Variants in PLEC observed in about 807,000 individuals in gnomAD.
PLEC encodes plectin.
Under a neutral mutation model 392.8 loss-of-function variants are expected in PLEC, and 216 were observed. The observed-to-expected ratio is 0.55, with a 90% CI of 0.49 to 0.62. The LOEUF is 0.62. Ranked by LOEUF, PLEC falls within the 20% of genes least tolerant of loss-of-function variation. The pLI is 0.00. For missense variants in PLEC, 6,863 were observed against 6,563.4 expected (o/e 1.05, Z -1.58); for synonymous variants, 3,621 against 2,980.6 (o/e 1.21, Z -7.00).
At chr8:143,937,886 C>G (rs1554724787) in intron 3 of PLEC, 1 of 635,028 alleles carries the variant, frequency 1.6e-6, no homozygotes, top group African/African-American at 1.8e-5. Flanking sequence ...GTTACTGTGT[C>G]CCGACGCGGA....
chr8:143,950,816 C>T, exon 1 of PLEC: 2 of 1,501,624 alleles, frequency 1.3e-6, no homozygotes, highest in South Asian at 1.3e-5. Flanking sequence ...TGACAGCGGG[C>T]AGCGGCAGGG....
At chr8:143,942,602 C>A, upstream of PLEC, 1 of 1,425,134 alleles carries the variant, frequency 7.0e-7, no homozygotes, top group South Asian at 1.4e-5. Flanking sequence ...GCCCACGCTG[C>A]GAGGCTGCCG....
At chr8:143,953,175 G>C (rs868974428), upstream of PLEC, among the ~76,000 whole-genome samples, 22 of 151,646 alleles carry the variant, frequency 1.5e-4, no homozygotes, top group Middle Eastern at 0.01. Context: ...GTGTGCGACT[G>C]GGCGGCCCCT....
chr8:143,956,445 G>A (rs1455538162), upstream of PLEC, among the ~76,000 whole-genome samples: 1 of 152,212 alleles, frequency 6.6e-6, no homozygotes, highest in Non-Finnish European at 1.5e-5. Context: ...GCCTGGGCCT[G>A]TGGTCCCAGC....
chr8:143,947,857 G>C (rs1831683235), intron 1 of PLEC, among the ~76,000 whole-genome samples: 2 of 152,192 alleles, frequency 1.3e-5, no homozygotes. Context: ...CACAGGCCCA[G>C]GGCCTTCCCA....
rs1417022697 is a variant in PLEC, at chr8:143,969,741, G to A, written c.70+3662C>T. 6.6e-6 allele frequency among the ~76,000 whole-genome samples: 1 copy of A among 152,108 alleles called. No individual in the cohort carries two copies. The highest frequency in any genetic ancestry group is 1.5e-5 in the Non-Finnish European group (1 of 68,022). ...GAGTGGGGAGTGGGGCCAGCCGGGG[G>A]CCTGGGCAGCTGGGGATAGAGACTT... is the stretch of plus-strand genomic sequence containing the variant. On this transcript the variant is annotated intron_variant, in intron 1 of 31. Transcript: ENST00000356346. This position sits in a 1 kb window ranked among gnomAD's most constrained non-coding sequence, Gnocchi z 5.1.
chr8:143,923,697 G>C lies in PLEC; in HGVS notation c.6232C>G (p.Gln2078Glu). ...GCCGCCTCCGCCTCGCCGCGCAGCT[G>C]GTCCAGCACGCTCTGCTCCTGCTGC... ...TLQQEQSVLDQLRGEAEAARR... is the reference protein window; with the variant it reads ...TLQQEQSVLDELRGEAEAARR... Residue 2078 changes from glutamine to glutamate, a missense_variant, in exon 31 of 32, where the codon CAG becomes GAG. Physicochemically the swap from Gln to Glu is conservative, Grantham distance 29. Coordinates refer to ENST00000345136, the MANE Select transcript of PLEC (RefSeq NM_201384.3). 1.3e-6 allele frequency: 2 copies of C among 1,545,216 alleles called. No homozygotes were observed.
At chr8:143,949,134 C>T (rs1831832636) in intron 1 of PLEC, among the ~76,000 whole-genome samples, 1 of 152,244 alleles carries the variant, frequency 6.6e-6, no homozygotes, top group Non-Finnish European at 1.5e-5. Flanking sequence ...AGCACCAGGG[C>T]TCCGCCCAGC....
At position 143,923,734 on chromosome 8, in the gene PLEC, T is replaced by A; in HGVS notation, c.6195A>T (p.Leu2065=). The A allele has an allele frequency of 6.5e-7, 1 of 1,546,384 alleles. No homozygotes were observed. Among genetic ancestry groups the A allele is most frequent in the South Asian group, 1.2e-5 (1 of 85,404 alleles). The part of the protein sequence containing the change: ...AFAVQQKEQE[L]QQTLQQEQSV... ...TCTGCTCCTGCTGCAGCGTCTGCTG[T>A]AGCTCCTGCTCCTTCTGCTGCACCG... The change falls in exon 31 of 32, where the codon CTA becomes CTT. Residue 2065 remains leucine, a synonymous_variant. Transcript: ENST00000345136.
upstream of PLEC, among the ~76,000 whole-genome samples, chr8:143,942,137 G>A (rs1413569157): frequency 1.3e-5 from 2 of 151,804 alleles, no homozygotes; most frequent in Non-Finnish European, 2.9e-5. Context: ...ACGTGGAACA[G>A]CCGGGGGTGG....
chr8:143,959,634 G>A (rs368294618), intron 1 of PLEC, among the ~76,000 whole-genome samples: 6 of 152,362 alleles, frequency 3.9e-5, no homozygotes, highest in Middle Eastern at 3.4e-3. Flanking sequence ...GGGAGGAGTC[G>A]GCCCACTTGG....
chr8:143,929,622 C>T (rs782620866), intron 23 of PLEC, 24 bp downstream of exon 23: 28 of 1,608,522 alleles, frequency 1.7e-5, no homozygotes, highest in Admixed American at 5.0e-5. Flanking sequence ...CCAGCCCAAC[C>T]GCCCCAGCCC....
At chr8:143,950,548 C>G (rs782517399) in exon 1 of PLEC, 1 of 1,607,908 alleles carries the variant, frequency 6.2e-7, no homozygotes, top group East Asian at 2.2e-5. Context: ...CCCGCAGGGA[C>G]GCCATGGCAC....
In PLEC at chr8:143,931,453, C is replaced by T. The variant is rs1827216109; in HGVS notation, c.2304+81G>A. 3 of 1,489,680 alleles carry T rather than the reference C, an allele frequency of 2.0e-6. No homozygotes were observed. In the South Asian group the frequency reaches 3.6e-5, roughly 18 times the overall value. 92.3% of individuals were successfully genotyped at this position (1,489,680 alleles called of 1,614,324 possible). Reference sequence around the variant, plus strand: ...AACTCCTGCTGGCCCCTCCAGTTGCCCCCTAGTCTCCAGAGTACCCGTGCA... The same window carrying T: ...AACTCCTGCTGGCCCCTCCAGTTGCTCCCTAGTCTCCAGAGTACCCGTGCA... On this transcript the variant is annotated intron_variant, in intron 19 of 31. Transcript: ENST00000345136.
chr8:143,976,739 C>G (rs1462572917), upstream of PLEC: 1 of 151,860 alleles, frequency 6.6e-6, no homozygotes, highest in Admixed American at 6.6e-5. Context: ...GCCGCCGCAG[C>G]CAGACTGCTC....
chr8:143,969,068 A>T lies in PLEC; in HGVS notation c.70+4335T>A, dbSNP rs1833272518. 6.6e-6 allele frequency among the ~76,000 whole-genome samples: 1 copy of T among 152,238 alleles called. No homozygotes were observed. Among genetic ancestry groups the T allele is most frequent in the African/African-American group, 2.4e-5 (1 of 41,458 alleles). On this transcript the variant is annotated intron_variant, in intron 1 of 31. Transcript: ENST00000356346. This position sits in a 1 kb window ranked among gnomAD's most constrained non-coding sequence, Gnocchi z 5.1. ...CAAAAACGTGTATGCAAACGTCCATAGCAGCCTCACTCATAACAGCCAAAA... is the reference window on the plus strand; with the variant it reads ...CAAAAACGTGTATGCAAACGTCCATTGCAGCCTCACTCATAACAGCCAAAA...
rs1554694501 is a variant in PLEC, at chr8:143,923,859, G to A, written c.6070C>T (p.Leu2024=). 1.3e-6 allele frequency: 2 copies of A among 1,590,972 alleles called. No individual in the cohort carries two copies. Among genetic ancestry groups the A allele is most frequent in the Non-Finnish European group, 8.5e-7 (1 of 1,176,446 alleles). The change falls in exon 31 of 32, where the codon CTG becomes TTG. Residue 2024 remains leucine, a synonymous_variant. Coordinates refer to ENST00000345136, the MANE Select transcript of PLEC (RefSeq NM_201384.3). The stretch of plus-strand genomic sequence containing the variant: ...GACTCCTGCTCCGCTCGCTCCCGCA[G>A]GCGCCGCGCCTCCTCCACCTTGGCT... The part of the protein sequence containing the change: ...LKAKVEEARR[L]RERAEQESAR...
chr8:143,948,441 C>T (rs1302125609), intron 1 of PLEC, among the ~76,000 whole-genome samples: 6 of 152,242 alleles, frequency 3.9e-5, no homozygotes, highest in African/African-American at 1.4e-4. Context: ...ACCCCTGTCA[C>T]TGCCTGAGGC....
At chr8:143,934,279 C>G in intron 11 of PLEC, 39 bp downstream of exon 11, 1 of 1,609,854 alleles carries the variant, frequency 6.2e-7, no homozygotes, top group Non-Finnish European at 8.5e-7. Context: ...AGTGACACAC[C>G]CTCGGGTGGT....
Sources: gnomAD v4.1 joint callset for allele counts (sites outside exome capture counted in the v4.1 genomes callset) on GRCh38, gnomAD v4.1.1 for gene constraint, Gnocchi (gnomAD v3.1) non-coding constraint, MANE v1.5 for transcripts, NCBI Gene and HGNC (gene_info 2026-07-23, HGNC 2026-07-21) for gene names.